ICA1: variants seen among roughly 807,000 people sequenced by gnomAD.
ICA1 encodes the protein islet cell autoantigen 1.
Under a neutral mutation model 71.0 loss-of-function variants are expected in ICA1, and 40 were observed. The observed-to-expected ratio is 0.56, with a 90% CI of 0.44 to 0.73. ICA1 has a LOEUF of 0.73. Ranked by LOEUF, ICA1 falls within the 30% of genes least tolerant of loss-of-function variation. The pLI, the probability that ICA1 is intolerant of heterozygous loss-of-function variation, is 0.00. For synonymous variants in ICA1, 207 were observed against 209.5 expected (o/e 0.99, Z 0.10); for missense variants, 578 against 576.5 (o/e 1.00, Z -0.03).
chr7:8,212,844 C>T (rs938476790), intron 6 of ICA1, among the ~76,000 whole-genome samples: 2 of 152,060 alleles, frequency 1.3e-5, no homozygotes, highest in Non-Finnish European at 2.9e-5. Flanking sequence ...TTGGCTTCAC[C>T]CTAAAGCTAA....
intron 1 of ICA1, among the ~76,000 whole-genome samples, chr7:8,254,657 G>A (rs1456656039): frequency 1.3e-5 from 2 of 151,742 alleles, no homozygotes; most frequent in African/African-American, 4.8e-5. Context: ...TATTGGGCAT[G>A]TACCCTCTAG....
intron 2 of ICA1, 47 bp from the exon 3 acceptor site, chr7:8,232,802 T>C: frequency 7.0e-7 from 1 of 1,432,294 alleles, no homozygotes; most frequent in Non-Finnish European, 9.3e-7. Flanking sequence ...TCATAAAGAT[T>C]AAGATATTTT....
chr7:8,183,807 T>C (rs1358130545), intron 6 of ICA1, among the ~76,000 whole-genome samples: 2 of 152,180 alleles, frequency 1.3e-5, no homozygotes, highest in African/African-American at 4.8e-5. Context: ...TAAGGGCAGT[T>C]GAGAGGGTAA....
At chr7:8,209,817 G>A (rs1017925565) in intron 6 of ICA1, among the ~76,000 whole-genome samples, 2 of 152,184 alleles carry the variant, frequency 1.3e-5, no homozygotes, top group Non-Finnish European at 2.9e-5. Context: ...GGGAATTTCT[G>A]GTGGGAGAAA....
chr7:8,218,594 AGAAC>A, intron 5 of ICA1, 91 bp from the exon 6 acceptor site: 4 of 992,414 alleles, frequency 4.0e-6, no homozygotes, highest in Non-Finnish European at 6.3e-6. Context: ...TCGTGAGTCT[AGAAC>A]AGTACCTGGA....
intron 6 of ICA1, among the ~76,000 whole-genome samples, chr7:8,209,924 G>A (rs936262642): frequency 6.6e-6 from 1 of 152,168 alleles, no homozygotes; most frequent in Non-Finnish European, 1.5e-5. Context: ...GTGTGTGGCA[G>A]CAGCAGGGAA....
rs528383830 is a variant in ICA1, at chr7:8,237,423, T to G, written c.-79-1418A>C. Among the ~76,000 whole-genome samples, 7 of 152,354 alleles carry G rather than the reference T, an allele frequency of 4.6e-5. No individual in the cohort carries two copies. In the East Asian group the frequency reaches 1.3e-3, roughly 29 times the overall value. The stretch of plus-strand genomic sequence containing the variant: ...TCAATGTCACCATGAACTATTAGGA[T>G]AGTTGGTACTTTTTGATTAATATTT... On this transcript the variant is annotated intron_variant, in intron 1 of 13. Transcript: ENST00000402384.
intron 6 of ICA1, among the ~76,000 whole-genome samples, chr7:8,187,224 T>C (rs2128286098): frequency 6.6e-6 from 1 of 152,364 alleles, no homozygotes; most frequent in African/African-American, 2.4e-5. Flanking sequence ...GTATATATTA[T>C]ATTACAAAGC....
intron 6 of ICA1, among the ~76,000 whole-genome samples, chr7:8,175,526 T>A (rs900143893): frequency 7.5e-5 from 11 of 146,062 alleles, no homozygotes; most frequent in African/African-American, 1.6e-4. Flanking sequence ...TAAGGGTTTT[T>A]TTCTTTATAT....
intron 1 of ICA1, among the ~76,000 whole-genome samples, chr7:8,247,955 AC>A (rs1457252818): frequency 3.3e-5 from 5 of 152,174 alleles, no homozygotes; most frequent in Non-Finnish European, 7.3e-5. Flanking sequence ...TCTTTCATAC[AC>A]TAAAACTTAT....
intron 6 of ICA1, among the ~76,000 whole-genome samples, chr7:8,198,181 C>A (rs10952094): frequency 0.46 from 69,915 of 152,034 alleles, 19,980 homozygotes; most frequent in South Asian, 0.73. Context: ...TCCACCCATC[C>A]TGCGCTGCAC....
chr7:8,146,950 C>G (rs1797213609), intron 8 of ICA1, among the ~76,000 whole-genome samples: 1 of 151,740 alleles, frequency 6.6e-6, no homozygotes, highest in African/African-American at 2.4e-5. Context: ...TGGTCCAACT[C>G]TGGTCAAAGT....
chr7:8,121,287 G>T (rs796887961), intron 13 of ICA1, among the ~76,000 whole-genome samples: 1 of 152,138 alleles, frequency 6.6e-6, no homozygotes, highest in African/African-American at 2.4e-5. Flanking sequence ...CATCCAGCCA[G>T]CCAGCCAGCC....
chr7:8,232,440 A>T, intron 3 of ICA1, 150 bp downstream of exon 3: 1 of 551,458 alleles, frequency 1.8e-6, no homozygotes, highest in Non-Finnish European at 2.8e-6. Flanking sequence ...TGCAGGTTTT[A>T]ATAAATATGC....
chr7:8,180,177 A>G (rs551267806), intron 6 of ICA1, among the ~76,000 whole-genome samples: 6 of 152,228 alleles, frequency 3.9e-5, no homozygotes, highest in Admixed American at 3.9e-4. Flanking sequence ...CTTGTATTCT[A>G]TCCCCAGTCA....
intron 12 of ICA1, among the ~76,000 whole-genome samples, chr7:8,133,497 C>T (rs572243616): frequency 6.6e-6 from 1 of 152,286 alleles, no homozygotes; most frequent in East Asian, 1.9e-4. Context: ...GATCCTCCTG[C>T]CTTGATCTCC....
chr7:8,128,957 C>T (rs76825617), intron 12 of ICA1, among the ~76,000 whole-genome samples: 5,771 of 152,278 alleles, frequency 0.038, 130 homozygotes, highest in Middle Eastern at 0.071. Context: ...ATGTTAATAA[C>T]GGCCACCTCG....
At chr7:8,258,423 C>T (rs1360441795) in intron 1 of ICA1, among the ~76,000 whole-genome samples, 1 of 152,192 alleles carries the variant, frequency 6.6e-6, no homozygotes, top group Non-Finnish European at 1.5e-5. Flanking sequence ...CATTTCCCCA[C>T]CTTTTCATGA....
intron 4 of ICA1, chr7:8,227,775 G>T: frequency 2.4e-6 from 1 of 417,496 alleles, no homozygotes; most frequent in Non-Finnish European, 4.8e-6. Flanking sequence ...TGTAGAGATG[G>T]GGGTCTCACT....
Sources: allele counts gnomAD v4.1 joint callset (sites outside exome capture counted in the v4.1 genomes callset), GRCh38; gene constraint gnomAD v4.1.1; transcripts MANE v1.5; gene names NCBI Gene and HGNC (gene_info 2026-07-23, HGNC 2026-07-21).